The following SEMA3A variants were observed in gnomAD, a reference collection of about 807,000 sequenced individuals.
SEMA3A encodes semaphorin-3A.
Under a neutral mutation model 97.9 loss-of-function variants are expected in SEMA3A, and 29 were observed. The observed-to-expected ratio is 0.30, with a 90% CI of 0.22 to 0.40. The LOEUF is 0.40. Ranked by LOEUF, SEMA3A falls within the 10% of genes least tolerant of loss-of-function variation. SEMA3A has a pLI of 1.00. For synonymous variants in SEMA3A, 321 were observed against 323.7 expected (o/e 0.99, Z 0.09); for missense variants, 763 against 951.3 (o/e 0.80, Z 2.60).
At chr7:84,360,152 G>C (rs566939987) in intron 2 of SEMA3A, among the ~76,000 whole-genome samples, 1 of 151,964 alleles carries the variant, frequency 6.6e-6, no homozygotes, top group Non-Finnish European at 1.5e-5. Flanking sequence ...GCTCTGCTCT[G>C]ATCTTAGTTA....
chr7:84,200,882 T>G (rs775061048), intron 3 of SEMA3A, among the ~76,000 whole-genome samples: 8 of 151,580 alleles, frequency 5.3e-5, no homozygotes, highest in Non-Finnish European at 1.2e-4. Context: ...ATCCCATTGT[T>G]AATACTGATC....
At chr7:84,488,550 G>A (rs1409192497) in intron 1 of SEMA3A, among the ~76,000 whole-genome samples, 4 of 151,972 alleles carry the variant, frequency 2.6e-5, no homozygotes, top group African/African-American at 4.8e-5. Flanking sequence ...TGTGATTAGA[G>A]TGATCTCTGT....
At chr7:84,094,833 T>C (rs544482189) in intron 4 of SEMA3A, among the ~76,000 whole-genome samples, 4 of 152,056 alleles carry the variant, frequency 2.6e-5, no homozygotes, top group South Asian at 2.1e-4. Context: ...CCCAGGTAAA[T>C]ACATCTGTAT....
At chr7:84,424,939 A>T (rs1478893126) in intron 1 of SEMA3A, among the ~76,000 whole-genome samples, 3 of 97,112 alleles carry the variant, frequency 3.1e-5, no homozygotes, top group African/African-American at 1.4e-4. Flanking sequence ...ATTTATATAA[A>T]TATATATTTA....
At chr7:84,039,682 G>A (rs977656422) in intron 6 of SEMA3A, among the ~76,000 whole-genome samples, 7 of 152,050 alleles carry the variant, frequency 4.6e-5, no homozygotes, top group Non-Finnish European at 1.0e-4. Flanking sequence ...GGAGAGTATT[G>A]TGATAGTAAT....
At position 84,374,483 on chromosome 7, in the gene SEMA3A, T is replaced by C. The variant is rs1169151852; in HGVS notation, c.-245-2583A>G. Among the ~76,000 whole-genome samples, 9 of 152,326 alleles carry C rather than the reference T, an allele frequency of 5.9e-5. No individual in the cohort carries two copies. In the South Asian group the frequency reaches 1.7e-3, roughly 28 times the overall value. ...ATTGATGTGTGTGTGTGTATGTGCA[T>C]ACGCAAGTACAATGAAATGTTTAAA... is the stretch of plus-strand genomic sequence containing the variant. On this transcript the variant is annotated intron_variant, in intron 1 of 3. Coordinates refer to the SEMA3A transcript ENST00000424555.
intron 1 of SEMA3A, among the ~76,000 whole-genome samples, chr7:84,450,957 T>C (rs1805539077): frequency 6.6e-6 from 1 of 152,176 alleles, no homozygotes; most frequent in Non-Finnish European, 1.5e-5. Context: ...TTTCTTTAGG[T>C]TGCCTTTTCA....
chr7:84,098,450 A>C (rs1442933210), intron 4 of SEMA3A, among the ~76,000 whole-genome samples: 1 of 152,012 alleles, frequency 6.6e-6, no homozygotes, highest in African/African-American at 2.4e-5. Context: ...CAATCCCTAG[A>C]ATTTCTACAG....
At position 84,121,930 on chromosome 7, in the gene SEMA3A, C is replaced by T. The variant is rs1795628009; in HGVS notation, c.333+7193G>A. ...CTGGGATTACAGGCGTGAGCCACCG[C>T]GCCCGGCCGGTTCCAAGTCTTTGAT... On this transcript the variant is annotated intron_variant, in intron 3 of 16. Coordinates refer to ENST00000265362, the MANE Select transcript of SEMA3A (RefSeq NM_006080.3). Among the ~76,000 whole-genome samples, 4 of 17,338 alleles carry T rather than the reference C, an allele frequency of 2.3e-4. 2 individuals are homozygous for T. The South Asian group carries it at 6.2e-3, about 27-fold the overall frequency. The allele number at this position is 17,338 out of a possible 152,430, so 11.4% of individuals were successfully genotyped here.
intron 12 of SEMA3A, among the ~76,000 whole-genome samples, chr7:83,999,373 T>C (rs1457979569): frequency 6.6e-6 from 1 of 151,958 alleles, no homozygotes; most frequent in Non-Finnish European, 1.5e-5. Context: ...ATAATAAAAA[T>C]TCACGAAAAC....
At chr7:84,324,291 G>A (rs1323696951) in intron 2 of SEMA3A, among the ~76,000 whole-genome samples, 4 of 152,120 alleles carry the variant, frequency 2.6e-5, no homozygotes, top group Non-Finnish European at 5.9e-5. Context: ...TAACCTATTG[G>A]AGCTTCCATT....
intron 2 of SEMA3A, among the ~76,000 whole-genome samples, chr7:84,353,175 G>C (rs891346355): frequency 6.6e-6 from 1 of 151,664 alleles, no homozygotes; most frequent in African/African-American, 2.4e-5. Flanking sequence ...AGAAAATAAT[G>C]ACAAGAAAAA....
chr7:84,034,204 G>C (rs889810555), intron 6 of SEMA3A, among the ~76,000 whole-genome samples: 5 of 151,882 alleles, frequency 3.3e-5, no homozygotes, highest in Admixed American at 2.6e-4. Flanking sequence ...GGCTGGTCTC[G>C]AACTACTGAT....
Position 84,194,637 on chromosome 7 carries a change from G to A in SEMA3A, c.-51C>T. The A allele has an allele frequency of 8.5e-7, 1 of 1,175,940 alleles. No homozygotes were observed. The highest frequency in any genetic ancestry group is 1.5e-5 in the African/African-American group (1 of 65,900). The allele number at this position is 1,175,940 out of a possible 1,614,324, so 72.8% of individuals were successfully genotyped here. On this transcript the variant is annotated 5_prime_UTR_variant, in exon 1 of 17. Transcript: ENST00000265362. The stretch of plus-strand genomic sequence containing the variant: ...CTGCTTTAGTCTTCCTTCCTGTATT[G>A]TGCGGCCAGAGAAGTTCAAACAATC...
chr7:84,470,112 G>A (rs759719476), intron 1 of SEMA3A, among the ~76,000 whole-genome samples: 12 of 151,676 alleles, frequency 7.9e-5, no homozygotes, highest in Non-Finnish European at 1.3e-4. Flanking sequence ...AAATTTATTC[G>A]TAGATAATCT....
intron 1 of SEMA3A, among the ~76,000 whole-genome samples, chr7:84,401,192 A>C (rs940894969): frequency 1.3e-5 from 2 of 152,160 alleles, no homozygotes; most frequent in Admixed American, 1.3e-4. Context: ...CAAAATACAA[A>C]AACCAGCAGC....
intron 2 of SEMA3A, among the ~76,000 whole-genome samples, chr7:84,310,953 C>T (rs937512713): frequency 1.1e-3 from 164 of 151,398 alleles, no homozygotes; most frequent in Middle Eastern, 3.4e-3. Context: ...GGTTTAATTT[C>T]ATTTACATGC....
intron 1 of SEMA3A, among the ~76,000 whole-genome samples, chr7:84,474,959 C>T (rs78805401): frequency 0.011 from 1,664 of 151,860 alleles, 23 homozygotes; most frequent in African/African-American, 0.038. Flanking sequence ...ACTATTTAAA[C>T]GCCTAAGAAA....
intron 6 of SEMA3A, among the ~76,000 whole-genome samples, chr7:84,015,313 A>G (rs1480297460): frequency 1.3e-5 from 2 of 152,312 alleles, no homozygotes; most frequent in Middle Eastern, 3.4e-3. Context: ...ATAGGCAGTC[A>G]TGAATATCTG....
Sources: allele counts gnomAD v4.1 joint callset (sites outside exome capture counted in the v4.1 genomes callset), GRCh38; gene constraint gnomAD v4.1.1; transcripts MANE v1.5; gene names NCBI Gene and HGNC (gene_info 2026-07-23, HGNC 2026-07-21).